The following LVRN variants were observed in gnomAD, a reference collection of about 807,000 sequenced individuals.
The protein encoded by LVRN is aminopeptidase Q.
Under a neutral mutation model 111.4 loss-of-function variants are expected in LVRN, and 99 were observed. The ratio of observed to expected loss-of-function variants is 0.89; its 90% confidence interval spans 0.76 to 1.05. The LOEUF (loss-of-function observed/expected upper bound fraction) is 1.05, where lower values mean the gene tolerates loss of function less well. LVRN is among the 50% of genes least tolerant of loss of function. The pLI is 0.00. For synonymous variants in LVRN, 488 were observed against 449.5 expected (o/e 1.09, Z -1.08); for missense variants, 1,414 against 1,206.8 (o/e 1.17, Z -2.54).
intron 13 of LVRN, among the ~76,000 whole-genome samples, chr5:116,009,983 A>G (rs76247030): frequency 1.1e-3 from 168 of 152,344 alleles, no homozygotes; most frequent in African/African-American, 3.8e-3. Context: ...AGCATCGCAT[A>G]CTACAGAAAA....
At chr5:115,976,087 G>A (rs1056831748) in intron 1 of LVRN, 1 of 152,596 alleles carries the variant, frequency 6.6e-6, no homozygotes, top group Non-Finnish European at 1.5e-5. Flanking sequence ...ATCCGAAACA[G>A]AGCAGTGGCT....
At chr5:116,007,271 C>T (rs1323414635) in intron 13 of LVRN, among the ~76,000 whole-genome samples, 6 of 152,198 alleles carry the variant, frequency 3.9e-5, no homozygotes. Flanking sequence ...CTAAACTCTT[C>T]ATCCTGACAT....
At chr5:116,008,755 G>T (rs957532090) in intron 13 of LVRN, among the ~76,000 whole-genome samples, 3 of 152,192 alleles carry the variant, frequency 2.0e-5, no homozygotes, top group Non-Finnish European at 4.4e-5. Flanking sequence ...CAGGCTAAGA[G>T]AGGTGAGGAA....
intron 1 of LVRN, among the ~76,000 whole-genome samples, chr5:115,978,262 A>C (rs1753487912): frequency 6.6e-6 from 1 of 152,176 alleles, no homozygotes; most frequent in African/African-American, 2.4e-5. Context: ...ATGTCATTTC[A>C]TTATCCTATA....
At chr5:116,013,558 G>A (rs1748534637) in intron 15 of LVRN, among the ~76,000 whole-genome samples, 1 of 152,136 alleles carries the variant, frequency 6.6e-6, no homozygotes, top group African/African-American at 2.4e-5. Flanking sequence ...TGGGTGAGGA[G>A]AGGGGGTGAG....
intron 18 of LVRN, among the ~76,000 whole-genome samples, chr5:116,019,754 A>T (rs1169741500): frequency 6.6e-6 from 1 of 152,140 alleles, no homozygotes; most frequent in African/African-American, 2.4e-5. Flanking sequence ...TCTTGCTGGG[A>T]TCTTGTGCTC....
rs374170205 is a variant in LVRN, at chr5:116,015,341, C to G, written c.2540C>G (p.Thr847Ser). 5.6e-6 allele frequency: 9 copies of G among 1,612,164 alleles called. No homozygotes were observed. The highest frequency in any genetic ancestry group is 1.6e-4 in the Middle Eastern group (1 of 6,074). ...TGGGACATCTTGTTAAATACTTACACTAATACAACAAACAAAGAAGAAAAG... is the reference window on the plus strand; with the variant it reads ...TGGGACATCTTGTTAAATACTTACAGTAATACAACAAACAAAGAAGAAAAG... ...KEWDILLNTY[T>S]NTTNKEEKIQ... The change falls in exon 17 of 20, where the codon ACT (threonine) becomes AGT (serine). Residue 847 changes from threonine to serine, a missense_variant. Thr to Ser is a moderately conservative substitution (Grantham distance 58). Coordinates refer to ENST00000357872, the MANE Select transcript of LVRN (RefSeq NM_173800.5).
intron 4 of LVRN, among the ~76,000 whole-genome samples, chr5:115,991,374 A>G (rs1370282103): frequency 6.6e-6 from 1 of 152,204 alleles, no homozygotes; most frequent in Non-Finnish European, 1.5e-5. Context: ...TCCTAGCATG[A>G]TACATCATTT....
chr5:116,021,450 A>G (rs17138680), intron 18 of LVRN: 4,216 of 153,758 alleles, frequency 0.027, 207 homozygotes, highest in African/African-American at 0.096. Flanking sequence ...GCTTGCCTCA[A>G]TTATATGCAG....
At position 115,993,577 on chromosome 5, in the gene LVRN, C is replaced by T. The variant is rs181456850; in HGVS notation, c.1261-164C>T. On this transcript the variant is annotated intron_variant, in intron 5 of 19. Transcript: ENST00000357872. ...TGACTAATATCTATTTATGTGAAAA[C>T]AACAACTTGCTTTTTTGGTGTCCTG... Among the ~76,000 whole-genome samples, 3 of 152,286 alleles carry T rather than the reference C, an allele frequency of 2.0e-5. No homozygotes were observed. The East Asian group carries it at 5.8e-4, about 29-fold the overall frequency.
intron 13 of LVRN, among the ~76,000 whole-genome samples, chr5:116,007,723 A>G (rs1237567720): frequency 6.6e-6 from 1 of 152,198 alleles, no homozygotes. Context: ...TGCATTTGTT[A>G]CAAATTGAAG....
chr5:115,989,917 C>T (rs1248791125), intron 4 of LVRN, among the ~76,000 whole-genome samples: 1 of 152,058 alleles, frequency 6.6e-6, no homozygotes, highest in African/African-American at 2.4e-5. Context: ...AACAACAAAA[C>T]AAAACAAAAC....
intron 1 of LVRN, among the ~76,000 whole-genome samples, chr5:115,964,866 A>G (rs1476115071): frequency 6.6e-6 from 1 of 152,226 alleles, no homozygotes; most frequent in Non-Finnish European, 1.5e-5. Context: ...GATGTTTTGG[A>G]AGAGTTGTTA....
intron 1 of LVRN, 45 bp downstream of exon 1, chr5:115,963,357 C>T (rs574416228): frequency 1.4e-6 from 2 of 1,473,510 alleles, no homozygotes; most frequent in Non-Finnish European, 1.8e-6. Context: ...CCCGCCCCTG[C>T]GTCCCGGTGC....
chr5:116,003,017 A>G lies in LVRN; in HGVS notation c.1897+106A>G, dbSNP rs557779226. The G allele has an allele frequency of 4.8e-5, 50 of 1,032,404 alleles. No individual in the cohort carries two copies. The Admixed American group carries it at 6.1e-4, about 13-fold the overall frequency. 64.0% of individuals were successfully genotyped at this position (1,032,404 alleles called of 1,614,324 possible). ...TGAAAAGCCATTTCATTTCAAACTA[A>G]AATATCATTCTTGTAGAGCATAGAG... On this transcript the variant is annotated intron_variant, in intron 11 of 19. Transcript: ENST00000357872.
At chr5:115,996,903 T>C (rs1748124999) in intron 6 of LVRN, among the ~76,000 whole-genome samples, 2 of 152,152 alleles carry the variant, frequency 1.3e-5, no homozygotes, top group Admixed American at 1.3e-4. Context: ...GTAAAATGGG[T>C]TCTTGCAGTC....
intron 6 of LVRN, among the ~76,000 whole-genome samples, chr5:115,996,216 T>A (rs187469555): frequency 1.3e-5 from 2 of 152,338 alleles, no homozygotes; most frequent in African/African-American, 2.4e-5. Context: ...TTTTCTTAAG[T>A]AGATAGAATA....
intron 1 of LVRN, among the ~76,000 whole-genome samples, chr5:115,967,856 G>T (rs1482767693): frequency 1.3e-5 from 2 of 152,038 alleles, no homozygotes; most frequent in Non-Finnish European, 2.9e-5. Context: ...ATAGTAAATG[G>T]TATTATATGT....
At chr5:116,015,487 G>T (rs115811705) in intron 17 of LVRN, 68 bp downstream of exon 17, 7 of 1,476,522 alleles carry the variant, frequency 4.7e-6, no homozygotes, top group Non-Finnish European at 5.4e-6. Context: ...AAAAAAAATA[G>T]AAATGTGCTA....
Sources: allele counts gnomAD v4.1 joint callset (sites outside exome capture counted in the v4.1 genomes callset), GRCh38; gene constraint gnomAD v4.1.1; transcripts MANE v1.5; gene names NCBI Gene and HGNC (gene_info 2026-07-23, HGNC 2026-07-21).